Variants in FSTL4 observed in about 807,000 individuals in gnomAD.
FSTL4 encodes follistatin-related protein 4.
In FSTL4, 28 loss-of-function variants were observed where a neutral mutation model predicts 78.2. That is an observed-to-expected ratio of 0.36 (90% CI 0.27 to 0.49). The LOEUF is 0.49. Among genes scored for constraint, FSTL4 ranks in the 20% least tolerant of loss-of-function variants. The probability of loss-of-function intolerance (pLI) is 0.98; values close to 1 mark genes in which losing one functional copy is unlikely to be tolerated. For missense variants in FSTL4, 922 were observed against 1,084.9 expected (o/e 0.85, Z 2.11); for synonymous variants, 422 against 440.5 (o/e 0.96, Z 0.53).
Position 133,224,229 on chromosome 5 carries a change from A to G in FSTL4, c.1313-13T>C. 1 of 1,610,678 alleles carries G rather than the reference A, an allele frequency of 6.2e-7. No homozygotes were observed. On this transcript the variant is annotated splice_polypyrimidine_tract_variant and intron_variant, in intron 10 of 15. Coordinates refer to ENST00000265342, the MANE Select transcript of FSTL4 (RefSeq NM_015082.2). ...AGGATGTTTGCAACTGCAGCAGCAG[A>G]GAATGAGGAAAGCAGGAGTGTGATG...
the FSTL4 span, among the ~76,000 whole-genome samples, chr5:133,731,973 C>G: frequency 1.3e-5 from 2 of 152,146 alleles, no homozygotes; most frequent in African/African-American, 4.8e-5. Flanking sequence ...AGAGGTCCAG[C>G]TCAGGCATCA....
chr5:133,233,375 G>T (rs1204997588), intron 8 of FSTL4, 42 bp downstream of exon 8: 1 of 1,611,108 alleles, frequency 6.2e-7, no homozygotes, highest in Non-Finnish European at 8.5e-7. Flanking sequence ...AGCAGTTTGG[G>T]GAGGCTATGA....
At chr5:133,351,556 C>T (rs541130773) in intron 4 of FSTL4, among the ~76,000 whole-genome samples, 2 of 152,168 alleles carry the variant, frequency 1.3e-5, no homozygotes, top group East Asian at 1.9e-4. Flanking sequence ...GCTATTTCTT[C>T]AGCTGTCTTC....
intron 3 of FSTL4, among the ~76,000 whole-genome samples, chr5:133,543,050 A>C (rs1029632967): frequency 2.0e-5 from 3 of 151,644 alleles, no homozygotes; most frequent in Non-Finnish European, 4.4e-5. Flanking sequence ...TTAACTCATC[A>C]ACTTTGGTCC....
chr5:133,204,094 G>T (rs1011675862), intron 14 of FSTL4, among the ~76,000 whole-genome samples: 2 of 152,222 alleles, frequency 1.3e-5, no homozygotes, highest in Non-Finnish European at 2.9e-5. Flanking sequence ...GCAAGGCTGG[G>T]CATCTCCCTC....
chr5:133,468,178 G>A (rs965766406), intron 3 of FSTL4, among the ~76,000 whole-genome samples: 1 of 152,180 alleles, frequency 6.6e-6, no homozygotes, highest in Non-Finnish European at 1.5e-5. Flanking sequence ...GGAAGGCTGG[G>A]GGAGGCAGGC....
intron 4 of FSTL4, among the ~76,000 whole-genome samples, chr5:133,339,075 C>G (rs1322363995): frequency 6.6e-6 from 1 of 152,196 alleles, no homozygotes; most frequent in African/African-American, 2.4e-5. Flanking sequence ...CCAGCCTCAT[C>G]CTTCCCCACT....
chr5:133,298,538 A>G (rs1358540127), intron 6 of FSTL4, among the ~76,000 whole-genome samples: 1 of 152,254 alleles, frequency 6.6e-6, no homozygotes. Flanking sequence ...GAATGGATAC[A>G]TAAGAGCAAA....
chr5:133,697,575 A>T, the FSTL4 span, among the ~76,000 whole-genome samples: 1 of 152,210 alleles, frequency 6.6e-6, no homozygotes, highest in South Asian at 2.1e-4. Flanking sequence ...CTGAAGCCCC[A>T]CTTGCTAGAA....
the FSTL4 span, among the ~76,000 whole-genome samples, chr5:133,758,398 A>C: frequency 1.3e-5 from 2 of 152,240 alleles, no homozygotes; most frequent in African/African-American, 2.4e-5. Context: ...AAACATAAGG[A>C]AAGTGGGGAA....
chr5:133,392,300 G>A (rs2126962344), intron 4 of FSTL4, among the ~76,000 whole-genome samples: 1 of 152,252 alleles, frequency 6.6e-6, no homozygotes, highest in Non-Finnish European at 1.5e-5. Context: ...TTTGAGGCAT[G>A]GCTGGAACTG....
chr5:133,301,433 T>C (rs1270477677), intron 6 of FSTL4, among the ~76,000 whole-genome samples: 1 of 152,128 alleles, frequency 6.6e-6, no homozygotes, highest in East Asian at 1.9e-4. Context: ...CAACAGGCTC[T>C]GGAGAGTCAT....
rs187717671 is a variant in FSTL4 at position 133,264,608 on chromosome 5, C to A, written c.728-15032G>T. ...CAATTTGCCTTTGCCAAAACCTTTT[C>A]TGTGTTAGGCAGACGCATGGCAGCA... On this transcript the variant is annotated intron_variant, in intron 6 of 15. Coordinates refer to ENST00000265342, the MANE Select transcript of FSTL4 (RefSeq NM_015082.2). Among the ~76,000 whole-genome samples, 173 of 152,346 alleles carry A rather than the reference C, an allele frequency of 1.1e-3. 1 individual carries two copies. Among genetic ancestry groups the A allele is most frequent in the African/African-American group, 3.8e-3 (160 of 41,576 alleles).
At chr5:133,577,933 T>C (rs1179617165) in intron 2 of FSTL4, among the ~76,000 whole-genome samples, 2 of 151,506 alleles carry the variant, frequency 1.3e-5, no homozygotes, top group Non-Finnish European at 3.0e-5. Flanking sequence ...ACAGTGCAAG[T>C]CTCCAGCACT....
intron 6 of FSTL4, among the ~76,000 whole-genome samples, chr5:133,294,313 C>T (rs1430388814): frequency 6.6e-6 from 1 of 152,162 alleles, no homozygotes; most frequent in Non-Finnish European, 1.5e-5. Context: ...TTTTGGAGGA[C>T]ATCCCCTGAT....
At chr5:133,277,961 G>A (rs536173098) in intron 6 of FSTL4, among the ~76,000 whole-genome samples, 5 of 152,330 alleles carry the variant, frequency 3.3e-5, no homozygotes, top group East Asian at 1.9e-4. Context: ...GACCAGAGCC[G>A]TGTGCTCTTC....
the FSTL4 span, among the ~76,000 whole-genome samples, chr5:133,659,749 A>C: frequency 6.6e-6 from 1 of 151,910 alleles, no homozygotes; most frequent in Non-Finnish European, 1.5e-5. Context: ...CTTAAAAGTT[A>C]AATATTTTAT....
At chr5:133,713,619 G>A in the FSTL4 span, among the ~76,000 whole-genome samples, 1 of 152,164 alleles carries the variant, frequency 6.6e-6, no homozygotes, top group Non-Finnish European at 1.5e-5. Flanking sequence ...CATCTTCCCA[G>A]GATACCCCCT....
the FSTL4 span, among the ~76,000 whole-genome samples, chr5:133,729,910 G>A: frequency 2.0e-5 from 3 of 152,138 alleles, no homozygotes; most frequent in East Asian, 5.8e-4. Flanking sequence ...GGCTCAGTGG[G>A]AAGAGCCCTG....
Sources: gnomAD v4.1 joint callset for allele counts (sites outside exome capture counted in the v4.1 genomes callset) on GRCh38, gnomAD v4.1.1 for gene constraint, MANE v1.5 for transcripts, NCBI Gene and HGNC (gene_info 2026-07-23, HGNC 2026-07-21) for gene names.